Variants in ABCA4 observed in about 807,000 individuals in gnomAD.
ABCA4 encodes the protein retinal-specific phospholipid-transporting ATPase ABCA4.
ABCA4 carries 196 observed loss-of-function variants against 263.7 expected under a neutral mutation model. The observed-to-expected ratio is 0.74, with a 90% CI of 0.66 to 0.84. The LOEUF is 0.84. Among genes scored for constraint, ABCA4 ranks in the 40% least tolerant of loss-of-function variants. The probability of loss-of-function intolerance (pLI) is 0.00; values close to 1 mark genes in which losing one functional copy is unlikely to be tolerated. For synonymous variants in ABCA4, 1,133 were observed against 1,094.2 expected (o/e 1.04, Z -0.70); for missense variants, 2,792 against 2,855.1 (o/e 0.98, Z 0.50).
intron 17 of ABCA4, among the ~76,000 whole-genome samples, chr1:94,051,277 G>A (rs1007729306): frequency 6.6e-6 from 1 of 152,204 alleles, no homozygotes; most frequent in Admixed American, 6.5e-5. Context: ...GAATGCAAAG[G>A]TTCCTTCATG....
intron 29 of ABCA4, among the ~76,000 whole-genome samples, chr1:94,030,127 C>T (rs1443948833): frequency 2.0e-5 from 3 of 152,202 alleles, no homozygotes; most frequent in African/African-American, 4.8e-5. Context: ...ACCCTATTTC[C>T]CTCCCTCCCT....
chr1:94,019,121 T>A (rs1659823049), intron 36 of ABCA4, among the ~76,000 whole-genome samples: 2 of 150,662 alleles, frequency 1.3e-5, no homozygotes, highest in African/African-American at 2.5e-5. Flanking sequence ...TGAAATTAAA[T>A]TTAACTGGGT....
chr1:94,023,646 C>T (rs754534010), intron 31 of ABCA4, among the ~76,000 whole-genome samples: 3 of 152,180 alleles, frequency 2.0e-5, no homozygotes, highest in Non-Finnish European at 2.9e-5. Context: ...AATCATATCC[C>T]GCATGCTGGA....
At chr1:94,103,959 G>A (rs1662352570) in intron 4 of ABCA4, among the ~76,000 whole-genome samples, 1 of 152,204 alleles carries the variant, frequency 6.6e-6, no homozygotes, top group African/African-American at 2.4e-5. Flanking sequence ...TGACCTTGGG[G>A]CAAGTGATTG....
At chr1:94,062,530 A>ACCCCCCC in intron 13 of ABCA4, 47 bp downstream of exon 13, 1 of 1,450,808 alleles carries the variant, frequency 6.9e-7, no homozygotes, top group Non-Finnish European at 9.5e-7. Context: ...CCACTCCAGC[A>ACCCCCCC]CCCCCATTAG....
chr1:94,028,329 C>G (rs966930415), intron 30 of ABCA4, among the ~76,000 whole-genome samples: 1 of 152,166 alleles, frequency 6.6e-6, no homozygotes, highest in Non-Finnish European at 1.5e-5. Context: ...CTCTAAATCC[C>G]CCAGGAGATG....
chr1:94,079,566 G>C, intron 8 of ABCA4, 105 bp from the exon 9 acceptor site: 1 of 1,546,612 alleles, frequency 6.5e-7, no homozygotes, highest in Non-Finnish European at 8.9e-7. Flanking sequence ...CTCCATGCTG[G>C]AGGATTTGAT....
At chr1:94,085,166 C>T (rs1016912209) in intron 6 of ABCA4, among the ~76,000 whole-genome samples, 2 of 152,054 alleles carry the variant, frequency 1.3e-5, no homozygotes, top group Non-Finnish European at 2.9e-5. Flanking sequence ...CAAGTTCTTA[C>T]ATGTTAGAGA....
Position 94,007,838 on chromosome 1 carries a change from T to C in ABCA4, c.5899-98A>G. The C allele has an allele frequency of 3.4e-6, 4 of 1,163,904 alleles. No individual in the cohort carries two copies. The South Asian group carries it at 5.0e-5, about 15-fold the overall frequency. The allele number at this position is 1,163,904 out of a possible 1,614,324, so 72.1% of individuals were successfully genotyped here. A position where few individuals can be genotyped will look rare whatever the true frequency, so the allele number is the denominator to read the frequency against. ...GTGTGTGTGAGCTGGGGGAGGAATT[T>C]TAGACCTGGGCTGCCATCAGAGGCC... On this transcript the variant is annotated intron_variant, in intron 42 of 49. Coordinates refer to ENST00000370225, the MANE Select transcript of ABCA4 (RefSeq NM_000350.3).
At position 94,031,097 on chromosome 1, in the gene ABCA4, C is replaced by T; in HGVS notation, c.4152G>A (p.Val1384=). The change falls in exon 28 of 50, where the codon GTG becomes GTA. Residue 1384 remains valine, a synonymous_variant. Transcript: ENST00000370225. ...CAATAGAAAGCATCAGAGCCAAAAA[C>T]ACAAAGGTAGCCGGGAGCACGATCT... The part of the protein sequence containing the change: ...LAQIVLPATF[V]FLALMLSIVI... 2 of 1,614,144 alleles carry T rather than the reference C, an allele frequency of 1.2e-6. No homozygotes were observed. Among genetic ancestry groups the T allele is most frequent in the Non-Finnish European group, 1.7e-6 (2 of 1,180,006 alleles).
rs986870351 is a variant in ABCA4, at chr1:93,993,104, G to A, written c.*133C>T. 11 of 1,197,832 alleles carry A rather than the reference G, an allele frequency of 9.2e-6. No individual in the cohort carries two copies. The highest frequency in any genetic ancestry group is 3.7e-5 in the Admixed American group (2 of 53,964). 74.2% of individuals were successfully genotyped at this position (1,197,832 alleles called of 1,614,324 possible). A position where few individuals can be genotyped will look rare whatever the true frequency, so the allele number is the denominator to read the frequency against. ...TTTCTGAATTCGCTGCATGCTCCTC[G>A]TGTGTTTGTTTTCTGCTGCAGTGGG... is the stretch of plus-strand genomic sequence containing the variant. On this transcript the variant is annotated 3_prime_UTR_variant, in exon 50 of 50. Transcript: ENST00000370225.
At chr1:94,002,471 A>G (rs917181438) in intron 44 of ABCA4, among the ~76,000 whole-genome samples, 1 of 152,262 alleles carries the variant, frequency 6.6e-6, no homozygotes, top group Non-Finnish European at 1.5e-5. Flanking sequence ...ATGTGAACAC[A>G]GCCATTGCTG....
chr1:94,039,628 C>T lies in ABCA4; in HGVS notation c.3607+415G>A, dbSNP rs1396032470. Among the ~76,000 whole-genome samples the T allele has an allele frequency of 6.6e-5, 10 of 152,170 alleles. No individual in the cohort carries two copies. The South Asian group carries it at 2.1e-3, about 32-fold the overall frequency. On this transcript the variant is annotated intron_variant, in intron 24 of 49. Coordinates refer to ENST00000370225, the MANE Select transcript of ABCA4 (RefSeq NM_000350.3). ...GTATGCTATTTCCAGACTTGCCATC[C>T]ACATGTGCAATCTCTGACTCCACGA...
chr1:94,044,124 C>T (rs58553336), intron 20 of ABCA4, among the ~76,000 whole-genome samples: 252 of 2,706 alleles, frequency 0.093, no homozygotes, highest in South Asian at 0.17. Flanking sequence ...CTTCCTTCCT[C>T]CCTTCCTTCC....
rs4147891 is a variant in ABCA4, at chr1:94,041,513, TA to T, written c.3329-112del. 532,723 of 832,472 alleles carry T rather than the reference TA, an allele frequency of 0.64. 147,631 individuals are homozygous for T. Among genetic ancestry groups the T allele is most frequent in the South Asian group, 0.75 (38,431 of 51,562 alleles). 51.6% of individuals were successfully genotyped at this position (832,472 alleles called of 1,614,324 possible). ...ATAGTTGCAAAAATCAGGAGTTAAC[TA>T]AAAAAAAAAACCCAAGGGAACTAAT... On this transcript the variant is annotated intron_variant, in intron 22 of 49. Transcript: ENST00000370225.
At chr1:94,108,786 A>ATTT in intron 3 of ABCA4, 70 bp from the exon 4 acceptor site, 1 of 1,301,564 alleles carries the variant, frequency 7.7e-7, no homozygotes, top group Non-Finnish European at 1.1e-6. Flanking sequence ...ATCTCATGCT[A>ATTT]TTTTTTTTTT....
intron 3 of ABCA4, among the ~76,000 whole-genome samples, chr1:94,108,922 G>A (rs889226049): frequency 1.2e-4 from 18 of 151,996 alleles, no homozygotes; most frequent in Admixed American, 5.2e-4. Flanking sequence ...ACAGGCGCCC[G>A]CCACCACACC....
At chr1:94,058,413 G>C (rs958766917) in intron 14 of ABCA4, among the ~76,000 whole-genome samples, 1 of 152,170 alleles carries the variant, frequency 6.6e-6, no homozygotes, top group Admixed American at 6.5e-5. Flanking sequence ...CCAGGCTAGA[G>C]TGCAGTGATA....
chr1:94,020,703 G>C (rs1659872756), intron 35 of ABCA4, among the ~76,000 whole-genome samples: 1 of 152,206 alleles, frequency 6.6e-6, no homozygotes, highest in African/African-American at 2.4e-5. Context: ...ACTAACAAAG[G>C]TGCTCCTACC....
Sources: allele counts gnomAD v4.1 joint callset (sites outside exome capture counted in the v4.1 genomes callset), GRCh38; gene constraint gnomAD v4.1.1; transcripts MANE v1.5; gene names NCBI Gene and HGNC (gene_info 2026-07-23, HGNC 2026-07-21).